Variants in HERC1 observed in about 807,000 individuals in gnomAD.
HERC1 encodes the protein HECT and RLD domain containing E3 ubiquitin protein ligase family member 1, also known as probable E3 ubiquitin-protein ligase HERC1.
Under a neutral mutation model 554.3 loss-of-function variants are expected in HERC1, and 160 were observed. The ratio of observed to expected loss-of-function variants is 0.29; its 90% CI spans 0.25 to 0.33. The LOEUF is 0.33. Among genes scored for constraint, HERC1 ranks in the 10% least tolerant of loss-of-function variants. The pLI, the probability that HERC1 is intolerant of heterozygous loss-of-function variation, is 1.00. For synonymous variants in HERC1, 2,175 were observed against 2,131.7 expected, an observed-to-expected ratio of 1.02 and a Z score of -0.56; for missense variants, 4,919 against 5,918.5, an observed-to-expected ratio of 0.83 and a Z score of 5.54.
intron 2 of HERC1, among the ~76,000 whole-genome samples, chr15:63,772,128 A>G (rs1264326768): frequency 2.0e-5 from 3 of 152,082 alleles, no homozygotes; most frequent in East Asian, 1.9e-4. Context: ...ATCTCAAAAA[A>G]AAAAAGGGAA....
At chr15:63,705,517 A>G (rs1022140474) in intron 25 of HERC1, among the ~76,000 whole-genome samples, 1 of 152,128 alleles carries the variant, frequency 6.6e-6, no homozygotes, top group Admixed American at 6.5e-5. Flanking sequence ...TGAAAAAATT[A>G]TGTGTGCATT....
chr15:63,643,496 T>C lies in HERC1; in HGVS notation c.11239A>G (p.Ile3747Val), dbSNP rs375304469. 3.5e-5 allele frequency: 57 copies of C among 1,611,526 alleles called. No homozygotes were observed. The highest frequency in any genetic ancestry group is 4.6e-5 in the Non-Finnish European group (54 of 1,178,702). The stretch of plus-strand genomic sequence containing the variant: ...AAGGCAACAGTCCGAACAGGAGTGA[T>C]GTGTCCCCGCAGCTGATAAACACAC... ...AKCVYQLRGHITPVRTVAFSS... is the reference protein window; with the variant it reads ...AKCVYQLRGHVTPVRTVAFSS... The change falls in exon 58 of 78, where the codon ATC becomes GTC. Residue 3747 changes from isoleucine to valine, a missense_variant. This residue lies in a region of HERC1 where 1,963 missense variants were observed against 2,228.6 expected (regional missense o/e 0.88). Transcript: ENST00000443617.
intron 26 of HERC1, among the ~76,000 whole-genome samples, 161 bp downstream of exon 26, chr15:63,698,567 T>C (rs1185444849): frequency 6.6e-6 from 1 of 152,144 alleles, no homozygotes; most frequent in Non-Finnish European, 1.5e-5. Context: ...AACAAAATAA[T>C]GTGCTGTTCT....
At chr15:63,719,492 G>A (rs1352659322) in intron 19 of HERC1, among the ~76,000 whole-genome samples, 1 of 152,254 alleles carries the variant, frequency 6.6e-6, no homozygotes, top group Admixed American at 6.5e-5. Context: ...GGTTTTACTC[G>A]GGGAAAAATG....
rs1474135696 is a variant in HERC1, at chr15:63,754,627, C to T, written c.1652G>A (p.Arg551His). 6.2e-6 allele frequency: 10 copies of T among 1,613,198 alleles called. No homozygotes were observed. Among genetic ancestry groups the T allele is most frequent in the Non-Finnish European group, 8.5e-6 (10 of 1,179,534 alleles). The change falls in exon 7 of 78, where the codon CGT (arginine) becomes CAT (histidine). Residue 551 changes from arginine to histidine, a missense_variant. By Grantham distance (29) the Arg-to-His change is conservative. This residue lies in a region of HERC1 where 744 missense variants were observed against 1,090.0 expected (regional missense o/e 0.68). Coordinates refer to ENST00000443617, the MANE Select transcript of HERC1 (RefSeq NM_003922.4). ...GTCTTTTACTAATGTTGGAATGTTA[C>T]GACTATTGCTGTCACCATGACCTTG... Reference protein sequence around the residue: ...GRLGHGDSNSRNIPTLVKDIS... With the variant: ...GRLGHGDSNSHNIPTLVKDIS...
At chr15:63,667,075 A>G (rs2070680811) in intron 40 of HERC1, among the ~76,000 whole-genome samples, 1 of 152,232 alleles carries the variant, frequency 6.6e-6, no homozygotes, top group South Asian at 2.1e-4. Context: ...GAAAATACAT[A>G]TGTTAGATAA....
At chr15:63,630,686 C>G in intron 68 of HERC1, 51 bp from the exon 69 acceptor site, 3 of 1,535,386 alleles carry the variant, frequency 2.0e-6, no homozygotes, top group Non-Finnish European at 2.7e-6. Flanking sequence ...CCACACAACA[C>G]AGTGCTTTTA....
chr15:63,828,453 C>A (rs2078017150), intron 1 of HERC1, among the ~76,000 whole-genome samples: 1 of 152,112 alleles, frequency 6.6e-6, no homozygotes, highest in African/African-American at 2.4e-5. Flanking sequence ...GATTCTCCTG[C>A]CTCAGACTCT....
intron 33 of HERC1, among the ~76,000 whole-genome samples, chr15:63,689,375 T>C (rs927274307): frequency 6.6e-6 from 1 of 152,092 alleles, no homozygotes; most frequent in Non-Finnish European, 1.5e-5. Flanking sequence ...CAGAGAAGAC[T>C]TCACAGATAA....
At chr15:63,633,484 T>A (rs995833027) in intron 67 of HERC1, among the ~76,000 whole-genome samples, 1 of 152,176 alleles carries the variant, frequency 6.6e-6, no homozygotes, top group Admixed American at 6.5e-5. Context: ...GTGGTAATAA[T>A]AAGCAGAAAT....
At chr15:63,710,854 C>G (rs1224221133) in intron 24 of HERC1, among the ~76,000 whole-genome samples, 1 of 152,036 alleles carries the variant, frequency 6.6e-6, no homozygotes, top group Non-Finnish European at 1.5e-5. Context: ...CACGCAACAG[C>G]TAAGAGTCCA....
chr15:63,776,037 CAA>C (rs34323931), intron 1 of HERC1, among the ~76,000 whole-genome samples: 10 of 131,116 alleles, frequency 7.6e-5, no homozygotes, highest in Non-Finnish European at 1.1e-4. Flanking sequence ...GACTCCGTCT[CAA>C]AAAAAAAAAA....
At chr15:63,648,340 A>T in intron 54 of HERC1, 141 bp from the exon 55 acceptor site, 2 of 785,750 alleles carry the variant, frequency 2.5e-6, no homozygotes, top group Non-Finnish European at 4.0e-6. Context: ...GCATTTAGAC[A>T]AAATGTAGGC....
At chr15:63,640,514 A>G in intron 60 of HERC1, 69 bp from the exon 61 acceptor site, 6 of 1,216,050 alleles carry the variant, frequency 4.9e-6, no homozygotes, top group Non-Finnish European at 6.9e-6. Flanking sequence ...AACCTACCGT[A>G]GTCTGAAAGT....
intron 71 of HERC1, among the ~76,000 whole-genome samples, chr15:63,625,384 G>C (rs754692540): frequency 7.2e-5 from 11 of 152,126 alleles, no homozygotes; most frequent in Non-Finnish European, 1.5e-4. Context: ...ATGGCTGGTA[G>C]AAGTGGCTGG....
intron 2 of HERC1, among the ~76,000 whole-genome samples, chr15:63,771,507 T>C (rs1375702608): frequency 6.6e-5 from 10 of 151,716 alleles, no homozygotes; most frequent in Middle Eastern, 3.4e-3. Flanking sequence ...CTCAGCTCAC[T>C]GCAACCTCCA....
intron 68 of HERC1, among the ~76,000 whole-genome samples, chr15:63,632,060 T>C (rs1057046190): frequency 1.3e-5 from 2 of 152,204 alleles, no homozygotes; most frequent in Admixed American, 6.5e-5. Context: ...CTAGTGGACA[T>C]TTCCACACAT....
intron 1 of HERC1, among the ~76,000 whole-genome samples, chr15:63,786,292 A>AAG (rs2076441769): frequency 6.6e-6 from 1 of 150,666 alleles, no homozygotes; most frequent in African/African-American, 2.4e-5. Flanking sequence ...AAAAAAAAAA[A>AAG]AAGAAGAAGA....
chr15:63,761,852 G>A (rs762551956), intron 3 of HERC1, among the ~76,000 whole-genome samples: 12 of 152,168 alleles, frequency 7.9e-5, no homozygotes, highest in Non-Finnish European at 1.5e-4. Flanking sequence ...AAAGGAAGAA[G>A]ATATAAATGT....
Sources: allele counts gnomAD v4.1 joint callset (sites outside exome capture counted in the v4.1 genomes callset), GRCh38; gene constraint gnomAD v4.1.1; regional missense constraint gnomAD v4.1.1; transcripts MANE v1.5; gene names NCBI Gene and HGNC (gene_info 2026-07-23, HGNC 2026-07-21).